SND1: variants seen among roughly 807,000 people sequenced by gnomAD.
SND1 encodes staphylococcal nuclease and tudor domain containing 1, also known as staphylococcal nuclease domain-containing protein 1.
Under a neutral mutation model 121.7 loss-of-function variants are expected in SND1, and 38 were observed. That is an observed-to-expected ratio of 0.31 (90% CI 0.24 to 0.41). SND1 has a LOEUF of 0.41. SND1 is among the 10% of genes least tolerant of loss of function. The probability of loss-of-function intolerance (pLI) is 1.00; values close to 1 mark genes in which losing one functional copy is unlikely to be tolerated. For synonymous variants in SND1, 401 were observed against 447.4 expected, an observed-to-expected ratio of 0.90 and a Z score of 1.31; for missense variants, 868 against 1,184.6, an observed-to-expected ratio of 0.73 and a Z score of 3.92.
intron 10 of SND1, among the ~76,000 whole-genome samples, chr7:127,756,545 C>T (rs1292336319): frequency 1.3e-5 from 2 of 152,208 alleles, no homozygotes; most frequent in Non-Finnish European, 2.9e-5. Flanking sequence ...CGCCTTTAGG[C>T]CTTCCACTGT....
intron 15 of SND1, among the ~76,000 whole-genome samples, chr7:127,974,413 T>C (rs765125290): frequency 1.3e-5 from 2 of 152,164 alleles, no homozygotes; most frequent in Non-Finnish European, 2.9e-5. Flanking sequence ...AAATACCAAA[T>C]AGAAGACAGA....
chr7:127,781,463 A>T (rs1255881044), intron 10 of SND1, among the ~76,000 whole-genome samples: 1 of 152,060 alleles, frequency 6.6e-6, no homozygotes, highest in African/African-American at 2.4e-5. Context: ...TTGCCTTGTG[A>T]TATTGACTTT....
chr7:128,028,668 G>A (rs1803552908), intron 16 of SND1: 2 of 1,597,564 alleles, frequency 1.3e-6, no homozygotes, highest in Admixed American at 1.7e-5. Flanking sequence ...AAGTTTTTTG[G>A]GGGAGGGGAG....
intron 12 of SND1, among the ~76,000 whole-genome samples, chr7:127,853,280 T>C (rs2116665538): frequency 6.6e-6 from 1 of 152,346 alleles, no homozygotes; most frequent in Non-Finnish European, 1.5e-5. Flanking sequence ...CACGTCCATC[T>C]AAACTTCTTC....
chr7:127,698,352 A>G (rs538029367), intron 3 of SND1, among the ~76,000 whole-genome samples: 1 of 152,260 alleles, frequency 6.6e-6, no homozygotes, highest in African/African-American at 2.4e-5. Context: ...AACTTTTTCT[A>G]ATTCTTGCCA....
intron 10 of SND1, among the ~76,000 whole-genome samples, chr7:127,801,294 A>T (rs1421008027): frequency 6.6e-6 from 1 of 152,190 alleles, no homozygotes; most frequent in East Asian, 1.9e-4. Flanking sequence ...GAGGTACTGT[A>T]TCTCAATTTA....
chr7:128,030,173 G>C (rs1330393680), intron 16 of SND1: 1 of 1,614,238 alleles, frequency 6.2e-7, no homozygotes. Context: ...CGATGGGGTT[G>C]TTGCGAAGCC....
At chr7:127,738,431 A>G (rs1002446590) in intron 10 of SND1, among the ~76,000 whole-genome samples, 3 of 151,828 alleles carry the variant, frequency 2.0e-5, no homozygotes, top group African/African-American at 7.2e-5. Context: ...GGCACCTGCC[A>G]CCACGCTTGT....
At chr7:127,986,296 T>G (rs189117810) in intron 15 of SND1, among the ~76,000 whole-genome samples, 1 of 152,290 alleles carries the variant, frequency 6.6e-6, no homozygotes, top group East Asian at 1.9e-4. Context: ...AATGTATAAT[T>G]TTTTTAATAG....
chr7:127,672,559 G>A (rs1165412616), intron 1 of SND1, among the ~76,000 whole-genome samples: 1 of 151,720 alleles, frequency 6.6e-6, no homozygotes, highest in African/African-American at 2.4e-5. Flanking sequence ...GTTGCAGTGA[G>A]CCGAGATCGC....
chr7:127,751,042 G>T (rs1207004058), intron 10 of SND1, among the ~76,000 whole-genome samples: 1 of 152,266 alleles, frequency 6.6e-6, no homozygotes, highest in East Asian at 1.9e-4. Flanking sequence ...TGGCTCTGAA[G>T]AGGTAGAATA....
intron 12 of SND1, among the ~76,000 whole-genome samples, chr7:127,883,664 A>C (rs2116722915): frequency 6.6e-6 from 1 of 152,246 alleles, no homozygotes; most frequent in Admixed American, 6.5e-5. Flanking sequence ...TAATCCACAA[A>C]CCTACTCAAA....
intron 10 of SND1, among the ~76,000 whole-genome samples, chr7:127,786,883 CCG>C: frequency 6.6e-6 from 1 of 152,298 alleles, no homozygotes; most frequent in Admixed American, 6.5e-5. Flanking sequence ...ACCTCGTGAT[CCG>C]CCCATCTCGG....
intron 16 of SND1, among the ~76,000 whole-genome samples, chr7:128,074,132 C>G (rs1793463783): frequency 6.6e-6 from 1 of 152,202 alleles, no homozygotes; most frequent in Non-Finnish European, 1.5e-5. Context: ...AAGGACCTGC[C>G]TGTCTTCTAG....
intron 11 of SND1, among the ~76,000 whole-genome samples, chr7:127,814,522 T>C (rs560996380): frequency 1.3e-5 from 2 of 152,060 alleles, no homozygotes; most frequent in African/African-American, 4.8e-5. Flanking sequence ...AAAGGAAACC[T>C]GACTATTGCT....
rs1468532799 is a variant in SND1 at position 127,761,547 on chromosome 7, C to CA, written c.1152+40148dup. Among the ~76,000 whole-genome samples the CA allele has an allele frequency of 2.6e-5, 4 of 152,324 alleles. No homozygotes were observed. In the East Asian group the frequency reaches 7.7e-4, roughly 29 times the overall value. ...GAGACTTTAAACACATAATCGTATA[C>CA]ACACTGTTCTGTAACACTTGTCTCT... On this transcript the variant is annotated intron_variant, in intron 10 of 23. Transcript: ENST00000354725.
intron 16 of SND1, among the ~76,000 whole-genome samples, chr7:128,048,455 A>G (rs567907101): frequency 6.6e-6 from 1 of 152,288 alleles, no homozygotes; most frequent in East Asian, 1.9e-4. Context: ...GGCCTCATGT[A>G]TGACGCCTCA....
At chr7:127,895,062 C>T (rs1194571363) in intron 13 of SND1, among the ~76,000 whole-genome samples, 1 of 151,916 alleles carries the variant, frequency 6.6e-6, no homozygotes, top group Non-Finnish European at 1.5e-5. Flanking sequence ...CTTTTTTATG[C>T]CATCTCTCAT....
At chr7:127,797,760 CT>C (rs150682488) in intron 10 of SND1, among the ~76,000 whole-genome samples, 32,464 of 152,074 alleles carry the variant, frequency 0.21, 4,185 homozygotes, top group African/African-American at 0.37. Context: ...TTTATTTCAC[CT>C]TTTTTCCCCC....
Sources: gnomAD v4.1 joint callset for allele counts (sites outside exome capture counted in the v4.1 genomes callset) on GRCh38, gnomAD v4.1.1 for gene constraint, MANE v1.5 for transcripts, NCBI Gene and HGNC (gene_info 2026-07-23, HGNC 2026-07-21) for gene names.